The following SETBP1 variants were observed in gnomAD, a reference collection of about 807,000 sequenced individuals.
SETBP1 encodes SET-binding protein.
SETBP1 carries 9 observed loss-of-function variants against 101.0 expected under a neutral mutation model. That is an observed-to-expected ratio of 0.09 (90% CI 0.05 to 0.16). The LOEUF is 0.16. Ranked by LOEUF, SETBP1 falls within the 10% of genes least tolerant of loss-of-function variation. SETBP1 has a pLI of 1.00. For missense variants in SETBP1, 1,858 were observed against 2,033.8 expected (o/e 0.91, Z 1.66); for synonymous variants, 818 against 788.5 (o/e 1.04, Z -0.63).
chr18:44,742,024 C>G (rs1374508621), intron 2 of SETBP1, among the ~76,000 whole-genome samples: 3 of 152,210 alleles, frequency 2.0e-5, no homozygotes, highest in Non-Finnish European at 4.4e-5. Flanking sequence ...ACTCCCCTGT[C>G]TGGGCAGTGC....
chr18:44,828,500 C>T (rs1380575125), intron 2 of SETBP1, among the ~76,000 whole-genome samples: 1 of 152,126 alleles, frequency 6.6e-6, no homozygotes, highest in Non-Finnish European at 1.5e-5. Flanking sequence ...TTTATCTATT[C>T]CAATCTGTTT....
At chr18:44,938,958 A>ATGTGTGTGTG (rs111916615) in intron 3 of SETBP1, among the ~76,000 whole-genome samples, 296 of 147,342 alleles carry the variant, frequency 2.0e-3, no homozygotes, top group East Asian at 6.0e-3. Context: ...GAGTGTGTGC[A>ATGTGTGTGTG]TGTGTGTGTG....
chr18:44,967,078 A>G (rs905543074), intron 4 of SETBP1, among the ~76,000 whole-genome samples: 38 of 152,202 alleles, frequency 2.5e-4, no homozygotes, highest in Non-Finnish European at 2.5e-4. Flanking sequence ...TTCCTGCCCA[A>G]TTACACTCTT....
intron 2 of SETBP1, among the ~76,000 whole-genome samples, chr18:44,797,707 A>T (rs1244303341): frequency 6.6e-6 from 1 of 152,236 alleles, no homozygotes; most frequent in African/African-American, 2.4e-5. Flanking sequence ...GAGGACAGGT[A>T]GAAAACAGAA....
At chr18:44,783,804 G>A (rs1416334389) in intron 2 of SETBP1, among the ~76,000 whole-genome samples, 1 of 152,208 alleles carries the variant, frequency 6.6e-6, no homozygotes, top group Non-Finnish European at 1.5e-5. Context: ...CCTGTAAGAG[G>A]TGAGTCTAGA....
intron 2 of SETBP1, among the ~76,000 whole-genome samples, chr18:44,852,625 TC>T (rs2072895844): frequency 1.3e-5 from 2 of 152,172 alleles, no homozygotes; most frequent in Admixed American, 1.3e-4. Flanking sequence ...CATTTTATTT[TC>T]CCCCAAATCC....
At chr18:44,927,525 G>A (rs2070732173) in intron 3 of SETBP1, among the ~76,000 whole-genome samples, 1 of 152,154 alleles carries the variant, frequency 6.6e-6, no homozygotes, top group African/African-American at 2.4e-5. Context: ...ACAACTCCTG[G>A]ATAACTGATG....
intron 2 of SETBP1, among the ~76,000 whole-genome samples, chr18:44,818,265 T>C: frequency 6.6e-6 from 1 of 152,230 alleles, no homozygotes; most frequent in East Asian, 1.9e-4. Flanking sequence ...GAAAGGAATT[T>C]ATTCATGTCG....
chr18:44,919,397 T>A (rs2070524200), intron 3 of SETBP1, among the ~76,000 whole-genome samples: 1 of 150,798 alleles, frequency 6.6e-6, no homozygotes, highest in Non-Finnish European at 1.5e-5. Flanking sequence ...CCAGGCAGGC[T>A]GGAGTGCAAT....
chr18:44,742,000 A>G (rs2070109750), intron 2 of SETBP1, among the ~76,000 whole-genome samples: 1 of 152,192 alleles, frequency 6.6e-6, no homozygotes, highest in Admixed American at 6.5e-5. Flanking sequence ...CAGCACGCAC[A>G]GATGTGTCTG....
At chr18:45,036,102 G>C (rs2073390990) in intron 4 of SETBP1, among the ~76,000 whole-genome samples, 2 of 152,134 alleles carry the variant, frequency 1.3e-5, no homozygotes, top group Admixed American at 1.3e-4. Context: ...TGGAGGCCGA[G>C]GTGGGCAGAT....
intron 2 of SETBP1, among the ~76,000 whole-genome samples, chr18:44,782,689 T>C (rs1445898243): frequency 1.3e-5 from 2 of 152,100 alleles, no homozygotes; most frequent in Admixed American, 6.5e-5. Flanking sequence ...CAGGGATTGA[T>C]AGAAGCCCAT....
At chr18:44,850,516 G>A (rs752099001) in intron 2 of SETBP1, among the ~76,000 whole-genome samples, 2 of 152,108 alleles carry the variant, frequency 1.3e-5, no homozygotes, top group African/African-American at 2.4e-5. Context: ...GACTACAGGC[G>A]AACGTCACCA....
intron 5 of SETBP1, among the ~76,000 whole-genome samples, chr18:45,048,111 C>T (rs1449738924): frequency 6.6e-6 from 1 of 152,184 alleles, no homozygotes; most frequent in Non-Finnish European, 1.5e-5. Flanking sequence ...TTCTGGCCAC[C>T]ACATTGAGGC....
intron 4 of SETBP1, among the ~76,000 whole-genome samples, chr18:45,009,211 T>G (rs1461795126): frequency 2.0e-5 from 3 of 151,946 alleles, no homozygotes; most frequent in Admixed American, 6.6e-5. Flanking sequence ...TTTTTGGAGT[T>G]TGCCAACAGG....
At chr18:44,927,739 C>T (rs955047680) in intron 3 of SETBP1, among the ~76,000 whole-genome samples, 5 of 152,132 alleles carry the variant, frequency 3.3e-5, no homozygotes, top group African/African-American at 9.7e-5. Flanking sequence ...CTGGCATCAC[C>T]GATCAGGAGT....
chr18:45,062,878 T>A (rs540703033), intron 5 of SETBP1, among the ~76,000 whole-genome samples: 1 of 152,276 alleles, frequency 6.6e-6, no homozygotes, highest in South Asian at 2.1e-4. Flanking sequence ...GTACTTTGCA[T>A]GCACAGTGAA....
chr18:44,853,905 T>G (rs2144599305), intron 2 of SETBP1, among the ~76,000 whole-genome samples: 1 of 152,306 alleles, frequency 6.6e-6, no homozygotes, highest in Admixed American at 6.5e-5. Flanking sequence ...CTACTCATCC[T>G]TTGGGGGATG....
At chr18:44,887,826 C>T (rs1412398541) in intron 3 of SETBP1, among the ~76,000 whole-genome samples, 1 of 151,944 alleles carries the variant, frequency 6.6e-6, no homozygotes, top group Non-Finnish European at 1.5e-5. Flanking sequence ...AGGGGAAGGC[C>T]AGAAGGAGTC....
Sources: gnomAD v4.1 joint callset for allele counts (sites outside exome capture counted in the v4.1 genomes callset) on GRCh38, gnomAD v4.1.1 for gene constraint, MANE v1.5 for transcripts, NCBI Gene and HGNC (gene_info 2026-07-23, HGNC 2026-07-21) for gene names.